Variants in RABL2A observed in about 807,000 individuals in gnomAD.
RABL2A encodes RAB, member of RAS oncogene family like 2A, also known as rab-like protein 2A.
A neutral mutation model predicts 30.7 loss-of-function variants in RABL2A; 17 were observed. The observed-to-expected ratio is 0.55, with a 90% confidence interval of 0.38 to 0.83. The LOEUF is 0.83. RABL2A is among the 40% of genes least tolerant of loss of function. RABL2A has a pLI of 0.00. For missense variants in RABL2A, 155 were observed against 272.6 expected, an observed-to-expected ratio of 0.57 and a Z score of 3.04; for synonymous variants, 64 against 101.8, an observed-to-expected ratio of 0.63 and a Z score of 2.24.
intron 5 of RABL2A, chr2:113,635,341 G>A (rs1682164121): frequency 3.4e-6 from 2 of 586,200 alleles, no homozygotes; most frequent in Admixed American, 3.0e-5. Context: ...GATGGGTGGA[G>A]AAAAGGTGGA....
At chr2:113,633,299 G>T in intron 3 of RABL2A, 1 of 370,026 alleles carries the variant, frequency 2.7e-6, no homozygotes. Context: ...TAACCTCAAA[G>T]CTTGGGCCCC....
At chr2:113,632,625 A>C (rs1210350095) in intron 2 of RABL2A, among the ~76,000 whole-genome samples, 1 of 152,256 alleles carries the variant, frequency 6.6e-6, no homozygotes, top group African/African-American at 2.4e-5. Flanking sequence ...CCCTTTGCAT[A>C]ACACAAGGGT....
At chr2:113,638,734 G>A (rs1574084192) in intron 5 of RABL2A, 1 of 242,340 alleles carries the variant, frequency 4.1e-6, no homozygotes, top group East Asian at 1.8e-4. Context: ...CAGGCGTGGT[G>A]GCGCGCACCT....
chr2:113,638,096 G>C (rs573263705), intron 5 of RABL2A: 1 of 985,434 alleles, frequency 1.0e-6, no homozygotes, highest in South Asian at 4.7e-5. Flanking sequence ...AGATGCTCAG[G>C]AAACCAGATC....
rs1212975355 is a variant in RABL2A, at chr2:113,641,353, C to G, written c.410C>G (p.Ala137Gly). ...CCAATGTCCTACCTTCTCTCTACAG[C>G]AGACATAAACGTGACCCAAAAAAGC... Reference protein sequence around the residue: ...PCIVVANKIDADINVTQKSFN... With the variant: ...PCIVVANKIDGDINVTQKSFN... The change falls in exon 7 of 9, where the codon GCA becomes GGA. Residue 137 changes from alanine to glycine, a missense_variant and splice_region_variant. By Grantham distance (60) the Ala-to-Gly change is moderately conservative. This residue lies in a region of RABL2A where 33 missense variants were observed against 30.7 expected (regional missense o/e 1.08). Coordinates refer to ENST00000683472, the MANE Select transcript of RABL2A (RefSeq NM_001306158.2). The G allele has an allele frequency of 6.2e-7, 1 of 1,613,788 alleles. No individual in the cohort carries two copies. Among genetic ancestry groups the G allele is most frequent in the Non-Finnish European group, 8.5e-7 (1 of 1,179,972 alleles).
intron 5 of RABL2A, among the ~76,000 whole-genome samples, chr2:113,635,691 G>T (rs564079022): frequency 2.6e-5 from 4 of 152,240 alleles, no homozygotes; most frequent in Non-Finnish European, 5.9e-5. Context: ...TGAGAAAGGA[G>T]AAAGGAGCTC....
At chr2:113,638,119 A>T in intron 5 of RABL2A, 1 of 985,490 alleles carries the variant, frequency 1.0e-6, no homozygotes, top group Admixed American at 6.1e-5. Context: ...GACAAAAGTC[A>T]TCTGAGCCTG....
At chr2:113,630,980 C>T (rs1213826528) in intron 2 of RABL2A, among the ~76,000 whole-genome samples, 1 of 152,098 alleles carries the variant, frequency 6.6e-6, no homozygotes, top group East Asian at 1.9e-4. Flanking sequence ...TCACTGCAAC[C>T]TCCGCCTCCC....
intron 5 of RABL2A, 126 bp downstream of exon 5, chr2:113,635,256 G>C: frequency 2.2e-6 from 2 of 929,828 alleles, no homozygotes; most frequent in East Asian, 2.6e-5. Flanking sequence ...AGGGTCACCC[G>C]GGGATGTTTC....
chr2:113,637,957 T>C, intron 5 of RABL2A: 1 of 985,430 alleles, frequency 1.0e-6, no homozygotes, highest in Non-Finnish European at 1.2e-6. Flanking sequence ...TAGAAAGCAC[T>C]TGCCTTCTGA....
rs1223034952 is a variant in RABL2A, at chr2:113,641,790, G to A, written c.517G>A (p.Asp173Asn). Residue 173 changes from aspartate (D) to asparagine (N), a missense_variant, in exon 8 of 9, where the codon GAT becomes AAT. Transcript: ENST00000683472. ...TCTACCTCACCCCCAGCTCTTCAAT[G>A]ATGCAATTCGATTAGCTGTGTCTTA... The part of the protein sequence containing the change: ...DGTNVVKLFN[D>N]AIRLAVSYKQ... 3 of 766,436 alleles carry A rather than the reference G, an allele frequency of 3.9e-6. No individual in the cohort carries two copies. The highest frequency in any genetic ancestry group is 4.8e-5 in the Admixed American group (2 of 41,886). The allele number at this position is 766,436 out of a possible 1,614,324, so 47.5% of individuals were successfully genotyped here.
chr2:113,633,137 T>G, intron 3 of RABL2A, 193 bp downstream of exon 3: 1 of 770,642 alleles, frequency 1.3e-6, no homozygotes, highest in Non-Finnish European at 2.3e-6. Context: ...ATCAGTGCTG[T>G]ATATTTTGGA....
intron 5 of RABL2A, chr2:113,638,069 C>T (rs1683623581): frequency 1.0e-6 from 1 of 985,332 alleles, no homozygotes; most frequent in Non-Finnish European, 1.2e-6. Flanking sequence ...TCCTCCTCAG[C>T]TCTCAAAACA....
chr2:113,643,041 C>A lies in RABL2A; in HGVS notation c.*912C>A. 2.4e-6 allele frequency: 1 copy of A among 414,508 alleles called. No homozygotes were observed. The highest frequency in any genetic ancestry group is 1.8e-5 in the South Asian group (1 of 56,850). 25.7% of individuals were successfully genotyped at this position (414,508 alleles called of 1,614,324 possible). On this transcript the variant is annotated 3_prime_UTR_variant, in exon 9 of 9. Transcript: ENST00000683472. ...GGTAAAGCTGAGATCACAGGAACAG[C>A]AGGTGACAGGCCTAGCTATAGTTAG...
At chr2:113,638,168 T>C (rs1683654128) in intron 5 of RABL2A, 2 of 985,338 alleles carry the variant, frequency 2.0e-6, no homozygotes, top group African/African-American at 3.5e-5. Flanking sequence ...ACAGACATCC[T>C]TTATAAGGAG....
At chr2:113,630,698 G>A (rs553394628) in intron 2 of RABL2A, among the ~76,000 whole-genome samples, 2 of 151,704 alleles carry the variant, frequency 1.3e-5, no homozygotes, top group East Asian at 3.9e-4. Context: ...CTGTTGGTGG[G>A]CTCTGATGAC....
intron 5 of RABL2A, chr2:113,638,545 T>G: frequency 1.0e-6 from 1 of 985,358 alleles, no homozygotes; most frequent in South Asian, 4.7e-5. Flanking sequence ...TGGTTTGCAG[T>G]GCTCATCCTT....
Position 113,641,024 on chromosome 2 carries a change from C to CA in RABL2A, c.409+19_409+20insA. On this transcript the variant is annotated intron_variant, in intron 6 of 8. Transcript: ENST00000683472. ...ATTGATGGTGGGGCCATCCCTGCAC[C>CA]TGGGTGTTAGCAATTCACTGGGGAC... is the stretch of plus-strand genomic sequence containing the variant. The CA allele has an allele frequency of 1.2e-6, 2 of 1,610,366 alleles. No homozygotes were observed. The highest frequency in any genetic ancestry group is 1.7e-6 in the Non-Finnish European group (2 of 1,177,426).
At chr2:113,630,855 C>A (rs1680048162) in intron 2 of RABL2A, among the ~76,000 whole-genome samples, 1 of 152,050 alleles carries the variant, frequency 6.6e-6, no homozygotes, top group Non-Finnish European at 1.5e-5. Flanking sequence ...CTTTTGACCC[C>A]AGGTGATCAT....
Sources: gnomAD v4.1 joint callset for allele counts (sites outside exome capture counted in the v4.1 genomes callset) on GRCh38, gnomAD v4.1.1 for gene constraint, gnomAD v4.1.1 regional missense constraint, MANE v1.5 for transcripts, NCBI Gene and HGNC (gene_info 2026-07-23, HGNC 2026-07-21) for gene names.